NWD2: variants seen among roughly 807,000 people sequenced by gnomAD.
NWD2 encodes the protein NACHT and WD repeat domain containing 2.
NWD2 carries 37 observed loss-of-function variants against 132.7 expected under a neutral mutation model. That is an observed-to-expected ratio of 0.28 (90% CI 0.21 to 0.37). The LOEUF is 0.37. Among genes scored for constraint, NWD2 ranks in the 10% least tolerant of loss-of-function variants. The probability of loss-of-function intolerance (pLI) is 1.00; values close to 1 mark genes in which losing one functional copy is unlikely to be tolerated. For missense variants in NWD2, 1,592 were observed against 2,122.4 expected, an observed-to-expected ratio of 0.75 and a Z score of 4.91; for synonymous variants, 705 against 803.0, an observed-to-expected ratio of 0.88 and a Z score of 2.06.
chr4:37,439,504 CT>C lies in NWD2; in HGVS notation c.1296+118del. On this transcript the variant is annotated intron_variant, in intron 6 of 6. Coordinates refer to ENST00000309447, the MANE Select transcript of NWD2 (RefSeq NM_001144990.2). This position sits in a 1 kb window ranked among gnomAD's most constrained non-coding sequence, Gnocchi z 4.5. ...GTTTACTATGTGAATTATAGTTGGT[CT>C]TTTAGGAGTGAATACTGCAGTGCTT... 3 of 760,188 alleles carry C rather than the reference CT, an allele frequency of 3.9e-6. No homozygotes were observed. Among genetic ancestry groups the C allele is most frequent in the Non-Finnish European group, 6.0e-6 (3 of 497,730 alleles). The allele number at this position is 760,188 out of a possible 1,614,324, so 47.1% of individuals were successfully genotyped here.
At chr4:37,269,887 C>G (rs1056481510) in intron 1 of NWD2, among the ~76,000 whole-genome samples, 2 of 151,642 alleles carry the variant, frequency 1.3e-5, no homozygotes, top group Non-Finnish European at 3.0e-5. Context: ...TTTCTAGCTC[C>G]AAGGGTAGCT....
chr4:37,365,385 C>T (rs1720080580), intron 3 of NWD2, among the ~76,000 whole-genome samples: 1 of 152,034 alleles, frequency 6.6e-6, no homozygotes, highest in Admixed American at 6.6e-5. Flanking sequence ...GTTCTACCAA[C>T]CAAAATGTAT....
chr4:37,424,082 C>G (rs1479772), intron 3 of NWD2, among the ~76,000 whole-genome samples: 26,422 of 152,044 alleles, frequency 0.17, 2,649 homozygotes, highest in Non-Finnish European at 0.23. Context: ...TCACAACCAC[C>G]ATTGTCCTCC....
intron 2 of NWD2, among the ~76,000 whole-genome samples, chr4:37,332,161 A>G (rs895583597): frequency 6.6e-6 from 1 of 152,152 alleles, no homozygotes; most frequent in Non-Finnish European, 1.5e-5. Context: ...GCTTGGCACC[A>G]GTGGACTTGG....
At chr4:37,391,194 G>A (rs1030115993) in intron 3 of NWD2, among the ~76,000 whole-genome samples, 1 of 152,128 alleles carries the variant, frequency 6.6e-6, no homozygotes, top group Admixed American at 6.5e-5. Flanking sequence ...ACTTGCGGCT[G>A]TTCATCAAAA....
At chr4:37,258,644 G>A (rs1297775191) in intron 1 of NWD2, among the ~76,000 whole-genome samples, 1 of 152,168 alleles carries the variant, frequency 6.6e-6, no homozygotes, top group Non-Finnish European at 1.5e-5. Context: ...AGCCTCTCCA[G>A]GACAGTGAGA....
chr4:37,266,516 G>A (rs1193831938), intron 1 of NWD2, among the ~76,000 whole-genome samples: 1 of 152,062 alleles, frequency 6.6e-6, no homozygotes, highest in African/African-American at 2.4e-5. Flanking sequence ...AAGAAATTCT[G>A]AGAGAAGGAC....
intron 2 of NWD2, among the ~76,000 whole-genome samples, chr4:37,347,655 A>G (rs1286970729): frequency 6.6e-6 from 1 of 152,128 alleles, no homozygotes; most frequent in Non-Finnish European, 1.5e-5. Context: ...TATTATTGTT[A>G]TCCCTGTTAC....
At chr4:37,333,071 G>A (rs80012384) in intron 2 of NWD2, among the ~76,000 whole-genome samples, 2,055 of 152,264 alleles carry the variant, frequency 0.013, 52 homozygotes, top group African/African-American at 0.046. Flanking sequence ...CTCAGCCACA[G>A]TAGAATAGAA....
chr4:37,277,821 G>A (rs543302581), intron 1 of NWD2, among the ~76,000 whole-genome samples: 59 of 151,986 alleles, frequency 3.9e-4, no homozygotes, highest in South Asian at 1.2e-3. Context: ...TTAACATATT[G>A]TAATAGTTCT....
At chr4:37,267,311 G>C (rs143640574) in intron 1 of NWD2, among the ~76,000 whole-genome samples, 2 of 151,878 alleles carry the variant, frequency 1.3e-5, no homozygotes, top group Non-Finnish European at 2.9e-5. Flanking sequence ...GATTATTTAT[G>C]CATATTAAGG....
intron 3 of NWD2, among the ~76,000 whole-genome samples, chr4:37,380,450 G>T (rs1720431149): frequency 6.6e-6 from 1 of 152,058 alleles, no homozygotes; most frequent in Admixed American, 6.6e-5. Flanking sequence ...CTCCCTCTAG[G>T]CTTTAATTCC....
At chr4:37,363,958 A>T (rs1309894704) in intron 3 of NWD2, among the ~76,000 whole-genome samples, 1 of 104,708 alleles carries the variant, frequency 9.6e-6, no homozygotes, top group Non-Finnish European at 2.0e-5. Context: ...CCCCTTTTCT[A>T]CTAAAAATAC....
At chr4:37,404,727 C>T (rs115149467) in intron 3 of NWD2, among the ~76,000 whole-genome samples, 2,225 of 152,220 alleles carry the variant, frequency 0.015, 49 homozygotes, top group African/African-American at 0.048. Context: ...GGAAGCATGG[C>T]GACATCCGCT....
intron 3 of NWD2, among the ~76,000 whole-genome samples, chr4:37,405,466 GAATAGAA>G (rs1720982993): frequency 7.5e-6 from 1 of 133,116 alleles, no homozygotes; most frequent in Non-Finnish European, 1.6e-5. Flanking sequence ...GAATAGAATA[GAATAGAA>G]TAGAATAGAA....
Position 37,439,003 on chromosome 4 carries a change from T to A in NWD2, c.909T>A (p.Asp303Glu). The A allele has an allele frequency of 6.4e-7, 1 of 1,551,870 alleles. No individual in the cohort carries two copies. The highest frequency in any genetic ancestry group is 8.7e-7 in the Non-Finnish European group (1 of 1,147,012). The change falls in exon 6 of 7, where the codon GAT becomes GAA. Residue 303 changes from aspartate (D) to glutamate (E), a missense_variant. Transcript: ENST00000309447. The surrounding 1 kb of genome is among the most constrained non-coding windows in gnomAD (Gnocchi z 4.5). ...EAQEKLIKLR[D>E]EFIPTIVASS... is the part of the protein sequence containing the mutation. ...AAGAGAAGCTGATAAAACTCAGGGA[T>A]GAATTTATTCCTACTATTGTTGCAT...
chr4:37,359,151 G>A (rs1719927710), intron 3 of NWD2, among the ~76,000 whole-genome samples: 1 of 152,138 alleles, frequency 6.6e-6, no homozygotes, highest in Admixed American at 6.5e-5. Flanking sequence ...TAATTTGCTG[G>A]TAGGAGAATA....
At chr4:37,344,496 A>G (rs575133277) in intron 2 of NWD2, among the ~76,000 whole-genome samples, 1 of 152,294 alleles carries the variant, frequency 6.6e-6, no homozygotes, top group Non-Finnish European at 1.5e-5. Flanking sequence ...CTGGTAGCCA[A>G]ACTATAAGGA....
At chr4:37,284,221 G>A (rs1718182152) in intron 1 of NWD2, among the ~76,000 whole-genome samples, 1 of 152,148 alleles carries the variant, frequency 6.6e-6, no homozygotes, top group Non-Finnish European at 1.5e-5. Context: ...GTGGCACATG[G>A]TAGTTGCATC....
Sources: allele counts gnomAD v4.1 joint callset (sites outside exome capture counted in the v4.1 genomes callset), GRCh38; gene constraint gnomAD v4.1.1; non-coding constraint Gnocchi (gnomAD v3.1); transcripts MANE v1.5; gene names NCBI Gene and HGNC (gene_info 2026-07-23, HGNC 2026-07-21).